NOSTRIN: variants seen among roughly 807,000 people sequenced by gnomAD.
The protein encoded by NOSTRIN is nitric oxide synthase trafficking.
Under a neutral mutation model 59.0 loss-of-function variants are expected in NOSTRIN, and 63 were observed. That is an observed-to-expected ratio of 1.07 (90% CI 0.87 to 1.32). The LOEUF (loss-of-function observed/expected upper bound fraction) is 1.32, where lower values mean the gene tolerates loss of function less well. Among genes scored for constraint, NOSTRIN ranks in the 40% most tolerant of loss-of-function variants. The pLI is 0.00. For synonymous variants in NOSTRIN, 200 were observed against 165.4 expected (o/e 1.21, Z -1.61); for missense variants, 512 against 473.1 (o/e 1.08, Z -0.76).
Position 168,844,235 on chromosome 2 carries a change from C to T in NOSTRIN, c.630+1118C>T, listed in dbSNP as rs117906058. 5.5e-3 allele frequency among the ~76,000 whole-genome samples: 831 copies of T among 152,236 alleles called. 24 individuals carry two copies. In the East Asian group the frequency reaches 0.082, roughly 15 times the overall value. On this transcript the variant is annotated intron_variant, in intron 8 of 15. Transcript: ENST00000317647. ...AATGGAGCCCATGGTGGGAATACAACAGAACTGCCAGAAACAGCCACGCAG... is the reference window on the plus strand; with the variant it reads ...AATGGAGCCCATGGTGGGAATACAATAGAACTGCCAGAAACAGCCACGCAG...
rs1368610669 is a variant in NOSTRIN at position 168,864,995 on chromosome 2, T to A, written c.*25T>A. 1.2e-6 allele frequency: 2 copies of A among 1,612,110 alleles called. No homozygotes were observed. Among genetic ancestry groups the A allele is most frequent in the Non-Finnish European group, 1.7e-6 (2 of 1,179,120 alleles). Reference sequence around the variant, plus strand: ...AAACAAGACTCTGAACATACTACCTTCACACTCGGTAATCAACAATACAGT... The same window carrying A: ...AAACAAGACTCTGAACATACTACCTACACACTCGGTAATCAACAATACAGT... On this transcript the variant is annotated 3_prime_UTR_variant, in exon 16 of 16. Transcript: ENST00000317647.
intron 12 of NOSTRIN, among the ~76,000 whole-genome samples, chr2:168,857,529 C>A (rs989412690): frequency 6.6e-6 from 1 of 152,064 alleles, no homozygotes; most frequent in Non-Finnish European, 1.5e-5. Context: ...AACTCTAGCC[C>A]CATAGACATT....
intron 1 of NOSTRIN, among the ~76,000 whole-genome samples, chr2:168,806,275 A>G (rs1685847732): frequency 6.6e-6 from 1 of 152,094 alleles, no homozygotes; most frequent in Non-Finnish European, 1.5e-5. Flanking sequence ...TAATCAAAAA[A>G]AATCCTTCTG....
At position 168,811,579 on chromosome 2, in the gene NOSTRIN, T is replaced by C. The variant is rs368106312; in HGVS notation, c.40T>C (p.Tyr14His). Residue 14 changes from tyrosine (Y) to histidine (H), a missense_variant, in exon 2 of 16, where the codon TAC (tyrosine) becomes CAC (histidine). Tyr to His is a moderately conservative substitution (Grantham distance 83). Coordinates refer to ENST00000317647, the MANE Select transcript of NOSTRIN (RefSeq NM_001039724.4). ...TCTTGTTTTTCAGTATAATAAAGTATACAAGAACCTAAAGGAGTTTTCTCA... is the reference window on the plus strand; with the variant it reads ...TCTTGTTTTTCAGTATAATAAAGTACACAAGAACCTAAAGGAGTTTTCTCA... ...PLTDCPYNKV[Y>H]KNLKEFSQNG... is the part of the protein sequence containing the mutation. The C allele has an allele frequency of 3.2e-5, 27 of 856,204 alleles. No homozygotes were observed. The African/African-American group carries it at 4.5e-4, about 14-fold the overall frequency. 53.0% of individuals were successfully genotyped at this position (856,204 alleles called of 1,614,324 possible). A position where few individuals can be genotyped will look rare whatever the true frequency, so the allele number is the denominator to read the frequency against.
upstream of NOSTRIN, among the ~76,000 whole-genome samples, chr2:168,797,083 T>TCTTTTC (rs71003057): frequency 1.1e-4 from 7 of 65,274 alleles, no homozygotes; most frequent in Non-Finnish European, 1.9e-4. Flanking sequence ...TTTTTTCTTT[T>TCTTTTC]TTTTTTTTTT....
chr2:168,853,408 T>G (rs574670148), intron 10 of NOSTRIN, among the ~76,000 whole-genome samples: 163 of 152,198 alleles, frequency 1.1e-3, no homozygotes, highest in Non-Finnish European at 2.0e-3. Flanking sequence ...AATGCCATGT[T>G]CAAAAGATTG....
chr2:168,829,294 C>T (rs1028812152), intron 5 of NOSTRIN, among the ~76,000 whole-genome samples: 1 of 142,164 alleles, frequency 7.0e-6, no homozygotes, highest in Non-Finnish European at 1.5e-5. Flanking sequence ...TTTCTTCCTT[C>T]CTTCTCTTTC....
Position 168,834,210 on chromosome 2 carries a change from T to C in NOSTRIN, c.406-17T>C, listed in dbSNP as rs1559122303. 5.8e-6 allele frequency: 5 copies of C among 868,128 alleles called. No individual in the cohort carries two copies. The highest frequency in any genetic ancestry group is 1.0e-5 in the Non-Finnish European group (5 of 499,578). 53.8% of individuals were successfully genotyped at this position (868,128 alleles called of 1,614,324 possible). ...CCTCTGCTCCTTTTTTTCTTGTTTG[T>C]ATGTTTTTTACTCTAGGCCAAGAAG... On this transcript the variant is annotated splice_polypyrimidine_tract_variant and intron_variant, in intron 6 of 15. Coordinates refer to ENST00000317647, the MANE Select transcript of NOSTRIN (RefSeq NM_001039724.4).
At chr2:168,852,181 G>C (rs1290406474) in intron 10 of NOSTRIN, among the ~76,000 whole-genome samples, 1 of 152,180 alleles carries the variant, frequency 6.6e-6, no homozygotes. Flanking sequence ...ATACTCAAAG[G>C]TGGGTGTGAG....
At chr2:168,790,792 T>G (rs1324356960) in intron 2 of NOSTRIN, among the ~76,000 whole-genome samples, 1 of 152,192 alleles carries the variant, frequency 6.6e-6, no homozygotes. Context: ...CCATTTCAAT[T>G]TCCTGCTTTT....
Position 168,859,552 on chromosome 2 carries a change from A to G in NOSTRIN, c.1094A>G (p.Lys365Arg), listed in dbSNP as rs1559143226. Residue 365 changes from lysine to arginine, a missense_variant, in exon 13 of 16, where the codon AAA (lysine) becomes AGA (arginine). Transcript: ENST00000317647. ...GACCTTTTGGAAGCGAACTCCTACAAACTGTCATCAATGTTAGCAGAACTT... is the reference window on the plus strand; with the variant it reads ...GACCTTTTGGAAGCGAACTCCTACAGACTGTCATCAATGTTAGCAGAACTT... Reference protein sequence around the residue: ...KLDLLEANSYKLSSMLAELEQ... With the variant: ...KLDLLEANSYRLSSMLAELEQ... 1.2e-6 allele frequency: 2 copies of G among 1,614,126 alleles called. No homozygotes were observed. The highest frequency in any genetic ancestry group is 1.7e-6 in the Non-Finnish European group (2 of 1,180,002).
chr2:168,829,313 T>TC (rs996598311), intron 5 of NOSTRIN, among the ~76,000 whole-genome samples: 1 of 151,706 alleles, frequency 6.6e-6, no homozygotes, highest in Non-Finnish European at 1.5e-5. Context: ...TCTTTTTTTT[T>TC]CTCTCTCTCC....
At chr2:168,846,335 C>G (rs1029047831) in intron 8 of NOSTRIN, among the ~76,000 whole-genome samples, 5 of 152,148 alleles carry the variant, frequency 3.3e-5, no homozygotes, top group African/African-American at 1.2e-4. Flanking sequence ...TTTCACCATT[C>G]TTCTGTACAA....
upstream of NOSTRIN, among the ~76,000 whole-genome samples, chr2:168,794,895 T>C (rs576827163): frequency 1.3e-5 from 2 of 152,332 alleles, no homozygotes; most frequent in Non-Finnish European, 2.9e-5. Flanking sequence ...ACCTGGCTCT[T>C]AGTAAATACT....
At chr2:168,849,868 C>T (rs1688650354) in intron 8 of NOSTRIN, among the ~76,000 whole-genome samples, 5 of 151,762 alleles carry the variant, frequency 3.3e-5, no homozygotes, top group Admixed American at 3.3e-4. Context: ...CCCTGTAAAA[C>T]CACCAGTCAG....
chr2:168,834,600 G>GC (rs146186115), intron 7 of NOSTRIN, among the ~76,000 whole-genome samples: 5,068 of 150,724 alleles, frequency 0.034, 112 homozygotes, highest in Middle Eastern at 0.11. Context: ...TCACTGTGCT[G>GC]CCCAGGCTGG....
intron 7 of NOSTRIN, among the ~76,000 whole-genome samples, chr2:168,839,884 C>CAAAAAAAAAAAAAAA (rs58341006): frequency 9.6e-5 from 3 of 31,156 alleles, no homozygotes; most frequent in Non-Finnish European, 1.4e-4. Flanking sequence ...GACTCCGTCT[C>CAAAAAAAAAAAAAAA]AAAAAAAAAA....
intron 2 of NOSTRIN, among the ~76,000 whole-genome samples, chr2:168,812,441 C>T (rs999851788): frequency 6.6e-6 from 1 of 152,094 alleles, no homozygotes; most frequent in African/African-American, 2.4e-5. Context: ...TCTTTTCTGT[C>T]GCTTTTCAAG....
chr2:168,861,080 AAAGTT>A (rs1299510617), intron 14 of NOSTRIN, among the ~76,000 whole-genome samples, 171 bp downstream of exon 14: 4 of 152,234 alleles, frequency 2.6e-5, no homozygotes, highest in African/African-American at 9.6e-5. Context: ...AAAATGGGAA[AAAGTT>A]AAGAAGAGTA....
Sources: gnomAD v4.1 joint callset for allele counts (sites outside exome capture counted in the v4.1 genomes callset) on GRCh38, gnomAD v4.1.1 for gene constraint, MANE v1.5 for transcripts, NCBI Gene and HGNC (gene_info 2026-07-23, HGNC 2026-07-21) for gene names.